The following NPEPL1 variants were observed in gnomAD, a reference collection of about 807,000 sequenced individuals.
NPEPL1 encodes the protein aminopeptidase like 1.
A neutral mutation model predicts 52.4 loss-of-function variants in NPEPL1; 45 were observed. The observed-to-expected ratio is 0.86, with a 90% CI of 0.68 to 1.10. The LOEUF (loss-of-function observed/expected upper bound fraction) is 1.10. Among genes scored for constraint, NPEPL1 ranks in the 50% least tolerant of loss-of-function variants. NPEPL1 has a pLI of 0.00. For missense variants in NPEPL1, 696 were observed against 710.9 expected (o/e 0.98, Z 0.24); for synonymous variants, 360 against 314.7 (o/e 1.14, Z -1.52).
Position 58,715,390 on chromosome 20 carries a change from G to A in NPEPL1, c.*64G>A. 1 of 1,447,816 alleles carries A rather than the reference G, an allele frequency of 6.9e-7. No individual in the cohort carries two copies. The highest frequency in any genetic ancestry group is 9.2e-7 in the Non-Finnish European group (1 of 1,092,050). 89.7% of individuals were successfully genotyped at this position (1,447,816 alleles called of 1,614,324 possible). The stretch of plus-strand genomic sequence containing the variant: ...CTCACTTTGCACTGATTAATTTTAA[G>A]CAATTGAAAGATTGCCCTTCATATG... On this transcript the variant is annotated 3_prime_UTR_variant, in exon 12 of 12. Coordinates refer to ENST00000356091, the MANE Select transcript of NPEPL1 (RefSeq NM_024663.4).
At chr20:58,714,170 G>C (rs889941879) in intron 10 of NPEPL1, 77 bp downstream of exon 10, 3 of 1,463,498 alleles carry the variant, frequency 2.0e-6, no homozygotes, top group Non-Finnish European at 2.7e-6. Flanking sequence ...TCAGGGTGCT[G>C]GTGCACCCAG....
chr20:58,706,948 A>G (rs980769379), intron 6 of NPEPL1, among the ~76,000 whole-genome samples, 175 bp from the exon 7 acceptor site: 5 of 151,872 alleles, frequency 3.3e-5, no homozygotes, highest in Admixed American at 6.6e-5. Context: ...CCACTTGGCC[A>G]ATATGAGGTT....
chr20:58,692,852 G>A lies in NPEPL1; in HGVS notation c.-49G>A, dbSNP rs1041576660. 24 of 987,624 alleles carry A rather than the reference G, an allele frequency of 2.4e-5. No individual in the cohort carries two copies. In the African/African-American group the frequency reaches 3.4e-4, roughly 14 times the overall value. 61.2% of individuals were successfully genotyped at this position (987,624 alleles called of 1,614,324 possible). Reference sequence around the variant, plus strand: ...CGGAGCGGGGCGAAGGGGGCCGAGCGGCGGGCCGGGCCGGGCCGGGCAGGG... The same window carrying A: ...CGGAGCGGGGCGAAGGGGGCCGAGCAGCGGGCCGGGCCGGGCCGGGCAGGG... On this transcript the variant is annotated 5_prime_UTR_variant, in exon 1 of 12. Transcript: ENST00000356091. The surrounding 1 kb of genome is among the most constrained non-coding windows in gnomAD (Gnocchi z 5.7).
At position 58,714,572 on chromosome 20, in the gene NPEPL1, A is replaced by G; in HGVS notation, c.1315A>G (p.Ser439Gly). The G allele has an allele frequency of 6.3e-7, 1 of 1,584,846 alleles. No homozygotes were observed. The highest frequency in any genetic ancestry group is 8.6e-7 in the Non-Finnish European group (1 of 1,168,316). ...CTGGCCTCCCTAGGACCGAGACAACAGCCCCAGCTCCTGTGCTGGCCTCTT... is the reference window on the plus strand; with the variant it reads ...CTGGCCTCCCTAGGACCGAGACAACGGCCCCAGCTCCTGTGCTGGCCTCTT... ...MKNSVADRDN[S>G]PSSCAGLFIA... is the part of the protein sequence containing the mutation. The change falls in exon 11 of 12, where the codon AGC becomes GGC. Residue 439 changes from serine (S) to glycine (G), a missense_variant. Physicochemically the swap from Ser to Gly is moderately conservative, Grantham distance 56 (BLOSUM62 0). Coordinates refer to ENST00000356091, the MANE Select transcript of NPEPL1 (RefSeq NM_024663.4).
chr20:58,694,716 C>A (rs2084426667), intron 3 of NPEPL1, 124 bp downstream of exon 3: 1 of 1,068,456 alleles, frequency 9.4e-7, no homozygotes, highest in Non-Finnish European at 1.3e-6. Flanking sequence ...TTCCCAGGAG[C>A]TTTGGTTCCT....
Position 58,712,504 on chromosome 20 carries a change from T to C in NPEPL1, c.926T>C (p.Val309Ala). 6.2e-7 allele frequency: 1 copy of C among 1,613,584 alleles called. No individual in the cohort carries two copies. Among genetic ancestry groups the C allele is most frequent in the Non-Finnish European group, 8.5e-7 (1 of 1,179,744 alleles). ...KQGFKDNLHAVFCLAENSVGP... is the reference protein window; with the variant it reads ...KQGFKDNLHAAFCLAENSVGP... ...GGTTTCAAAGACAACCTCCACGCTG[T>C]GTTCTGCTTGGCTGAGAACTCGGTG... is the stretch of plus-strand genomic sequence containing the variant. The change falls in exon 8 of 12, where the codon GTG (valine) becomes GCG (alanine). Residue 309 changes from valine to alanine, a missense_variant. By Grantham distance (64) the Val-to-Ala change is moderately conservative. Coordinates refer to ENST00000356091, the MANE Select transcript of NPEPL1 (RefSeq NM_024663.4).
At chr20:58,696,899 G>A (rs2084504468) in intron 3 of NPEPL1, among the ~76,000 whole-genome samples, 1 of 152,362 alleles carries the variant, frequency 6.6e-6, no homozygotes, top group African/African-American at 2.4e-5. Context: ...GCAGAGCCAG[G>A]TGTTAAGCTG....
At chr20:58,691,168 T>C (rs1362343578), upstream of NPEPL1, 3 of 702,826 alleles carry the variant, frequency 4.3e-6, no homozygotes, top group Admixed American at 2.0e-5. Context: ...TGGAGTGCCG[T>C]GTGCCTGTCT....
chr20:58,706,225 CCAGGAGGTGTGAACTAG>C (rs2084730446), intron 6 of NPEPL1, among the ~76,000 whole-genome samples: 1 of 152,100 alleles, frequency 6.6e-6, no homozygotes, highest in Non-Finnish European at 1.5e-5. Context: ...GAACTATTAA[CCAGGAGGTGTGAACTAG>C]CAGGAGGGCA....
rs769054534 is a variant in NPEPL1 at position 58,693,062 on chromosome 20, G to T, written c.150+12G>T. 18 of 1,016,512 alleles carry T rather than the reference G, an allele frequency of 1.8e-5. No individual in the cohort carries two copies. In the African/African-American group the frequency reaches 2.6e-4, roughly 15 times the overall value. The allele number at this position is 1,016,512 out of a possible 1,614,324, so 63.0% of individuals were successfully genotyped here. Reference sequence around the variant, plus strand: ...GGGTCACCGAGGAGGTGAGCGGGCCGCCGGCCGCCATGCGACCCGCGCCGC... The same window carrying T: ...GGGTCACCGAGGAGGTGAGCGGGCCTCCGGCCGCCATGCGACCCGCGCCGC... On this transcript the variant is annotated intron_variant, in intron 1 of 11. Coordinates refer to ENST00000356091, the MANE Select transcript of NPEPL1 (RefSeq NM_024663.4).
chr20:58,701,080 A>G lies in NPEPL1; in HGVS notation c.744A>G (p.Pro248=). The G allele has an allele frequency of 6.3e-7, 1 of 1,596,340 alleles. No homozygotes were observed. The highest frequency in any genetic ancestry group is 8.5e-7 in the Non-Finnish European group (1 of 1,172,366). The change falls in exon 6 of 12, where the codon CCA becomes CCG. Residue 248 remains proline (P), a synonymous_variant. Transcript: ENST00000356091. The part of the protein sequence containing the change: ...PPALAVLSHT[P]DGATQTIAWV... ...CCCTGGCCGTCCTCAGCCACACCCC[A>G]GATGGAGCCACGCAGACCATCGCCT...
intron 1 of NPEPL1, 47 bp from the exon 2 acceptor site, chr20:58,693,690 G>A: frequency 6.5e-7 from 1 of 1,540,380 alleles, no homozygotes; most frequent in African/African-American, 1.4e-5. Context: ...CCTGGCACGT[G>A]GCCGCTGTTT....
chr20:58,714,587 G>A lies in NPEPL1; in HGVS notation c.1330G>A (p.Ala444Thr). ...CCGAGACAACAGCCCCAGCTCCTGTGCTGGCCTCTTCATCGCCTCACACAT... is the reference window on the plus strand; with the variant it reads ...CCGAGACAACAGCCCCAGCTCCTGTACTGGCCTCTTCATCGCCTCACACAT... ...ADRDNSPSSC[A>T]GLFIASHIGF... The change falls in exon 11 of 12, where the codon GCT (alanine) becomes ACT (threonine). Residue 444 changes from alanine to threonine, a missense_variant. Coordinates refer to ENST00000356091, the MANE Select transcript of NPEPL1 (RefSeq NM_024663.4). 1 of 1,591,896 alleles carries A rather than the reference G, an allele frequency of 6.3e-7. No homozygotes were observed. Among genetic ancestry groups the A allele is most frequent in the Non-Finnish European group, 8.5e-7 (1 of 1,171,472 alleles).
chr20:58,692,873 CAGGGCCGGGGCGT>C lies in NPEPL1; in HGVS notation c.-27_-15del. ...GAGCGGCGGGCCGGGCCGGGCCGGG[CAGGGCCGGGGCGT>C]GGGCCGGCAGGAAGATGGCGAACGT... On this transcript the variant is annotated 5_prime_UTR_variant, in exon 1 of 12. Coordinates refer to ENST00000356091, the MANE Select transcript of NPEPL1 (RefSeq NM_024663.4). The surrounding 1 kb of genome is among the most constrained non-coding windows in gnomAD (Gnocchi z 5.7). The C allele has an allele frequency of 9.8e-7, 1 of 1,015,502 alleles. No homozygotes were observed. The highest frequency in any genetic ancestry group is 1.2e-6 in the Non-Finnish European group (1 of 849,544). The allele number at this position is 1,015,502 out of a possible 1,614,324, so 62.9% of individuals were successfully genotyped here.
rs1568860662 is a variant in NPEPL1 at position 58,712,111 on chromosome 20, A to ATG, written c.901-368_901-367insTG. 3.3e-3 allele frequency among the ~76,000 whole-genome samples: 156 copies of ATG among 47,476 alleles called. No homozygotes were observed. In the South Asian group the frequency reaches 0.055, roughly 17 times the overall value. 31.1% of individuals were successfully genotyped at this position (47,476 alleles called of 152,430 possible). ...GCTCTTCCTGCCCCTCTGTGTGTGT[A>ATG]CGTGTGTGTGTGTGTGTATTGAGGG... On this transcript the variant is annotated intron_variant, in intron 7 of 11. Transcript: ENST00000356091.
upstream of NPEPL1, chr20:58,691,675 TTTTTCTTTTTTTC>T: frequency 2.5e-6 from 2 of 801,428 alleles, no homozygotes; most frequent in African/African-American, 1.9e-5. Context: ...ACAGTGCTTT[TTTTTCTTTTTTTC>T]TTTTCTTTTT....
upstream of NPEPL1, chr20:58,691,167 G>A (rs767841665): frequency 1.8e-5 from 13 of 702,858 alleles, no homozygotes; most frequent in South Asian, 1.0e-4. Context: ...CTGGAGTGCC[G>A]TGTGCCTGTC....
At chr20:58,712,749 A>C (rs2123151571) in intron 8 of NPEPL1, 170 bp downstream of exon 8, 1 of 693,012 alleles carries the variant, frequency 1.4e-6, no homozygotes, top group East Asian at 2.7e-5. Context: ...TAGCAGGCGC[A>C]CCTCACGTTG....
chr20:58,701,703 G>T (rs371846522), intron 6 of NPEPL1, among the ~76,000 whole-genome samples: 2 of 152,174 alleles, frequency 1.3e-5, no homozygotes, highest in Non-Finnish European at 2.9e-5. Context: ...CTGTGTCTCT[G>T]AGTCTGCCCA....
Sources: allele counts gnomAD v4.1 joint callset (sites outside exome capture counted in the v4.1 genomes callset), GRCh38; gene constraint gnomAD v4.1.1; non-coding constraint Gnocchi (gnomAD v3.1); transcripts MANE v1.5; gene names NCBI Gene and HGNC (gene_info 2026-07-23, HGNC 2026-07-21).